Variants in COL4A6 observed in about 807,000 individuals in gnomAD.
COL4A6 encodes the protein collagen type IV alpha 6 chain.
COL4A6 carries 59 observed loss-of-function variants against 126.7 expected under a neutral mutation model. That is an observed-to-expected ratio of 0.47 (90% CI 0.38 to 0.58). The LOEUF (loss-of-function observed/expected upper bound fraction) is 0.58. Ranked by LOEUF, COL4A6 falls within the 20% of genes least tolerant of loss-of-function variation. The pLI is 0.00. For synonymous variants in COL4A6, 547 were observed against 496.6 expected (o/e 1.10, Z -1.35); for missense variants, 1,285 against 1,337.3 (o/e 0.96, Z 0.61).
chrX:108,311,483 T>C (rs1032388524), intron 2 of COL4A6, among the ~76,000 whole-genome samples: 6 of 110,955 alleles, frequency 5.4e-5, no homozygotes, highest in African/African-American at 2.0e-4. Context: ...TGCCATGTGC[T>C]GATCCTCACC....
At chrX:108,325,096 A>G (rs983062057) in intron 2 of COL4A6, among the ~76,000 whole-genome samples, 3 of 112,039 alleles carry the variant, frequency 2.7e-5, no homozygotes, top group African/African-American at 9.7e-5. Flanking sequence ...GAAAATAGAA[A>G]CAAGTCAAGT....
At chrX:108,339,325 C>T (rs757295242) in intron 2 of COL4A6, among the ~76,000 whole-genome samples, 1 of 112,134 alleles carries the variant, frequency 8.9e-6, no homozygotes, top group Non-Finnish European at 1.9e-5. Flanking sequence ...ACCTGCACAA[C>T]GTCCCCTCTC....
intron 3 of COL4A6, among the ~76,000 whole-genome samples, chrX:108,284,604 C>A (rs1432179863): frequency 8.9e-6 from 1 of 112,017 alleles, no homozygotes; most frequent in Non-Finnish European, 1.9e-5. Context: ...CTATTTGGAT[C>A]CAGACACTTT....
At chrX:108,416,535 G>A (rs911039583) in intron 2 of COL4A6, among the ~76,000 whole-genome samples, 2 of 112,029 alleles carry the variant, frequency 1.8e-5, no homozygotes, top group African/African-American at 6.5e-5. Context: ...ATGTCTAGGA[G>A]TATCAGTGGC....
intron 2 of COL4A6, among the ~76,000 whole-genome samples, chrX:108,422,894 G>A (rs1486866366): frequency 1.8e-5 from 2 of 111,577 alleles, no homozygotes; most frequent in African/African-American, 6.5e-5. Flanking sequence ...TCCTAGGTTG[G>A]GGTGCAGTAG....
chrX:108,438,113 C>T (rs1688347206), intron 1 of COL4A6, 73 bp downstream of exon 1: 3 of 1,204,680 alleles, frequency 2.5e-6, no homozygotes, highest in Non-Finnish European at 3.4e-6. Flanking sequence ...ACAGAAGTAC[C>T]AGTATAGTCC....
intron 2 of COL4A6, among the ~76,000 whole-genome samples, chrX:108,385,774 T>C (rs1478079401): frequency 9.0e-6 from 1 of 111,300 alleles, no homozygotes; most frequent in East Asian, 2.8e-4. Flanking sequence ...ACATGCAGGT[T>C]TGTTACATAG....
At chrX:108,324,155 A>G (rs996101283) in intron 2 of COL4A6, among the ~76,000 whole-genome samples, 6 of 112,389 alleles carry the variant, frequency 5.3e-5, no homozygotes, top group Non-Finnish European at 9.4e-5. Flanking sequence ...GGATTCCAGG[A>G]CAGAGACTGT....
chrX:108,437,980 G>A lies in COL4A6; in HGVS notation c.25C>T (p.Leu9=). ...TCCTCGGTCAGGCACAACGTAACCAGGAGCAGCCACAACCTGAAATGGGAG... is the reference window on the plus strand; with the variant it reads ...TCCTCGGTCAGGCACAACGTAACCAAGAGCAGCCACAACCTGAAATGGGAG... MHPGLWLL[L]VTLCLTEELA... is the part of the protein sequence containing the mutation. The change falls in exon 2 of 45, where the codon CTG becomes TTG. Residue 9 remains leucine, a synonymous_variant. Transcript: ENST00000334504. The A allele has an allele frequency of 1.7e-6, 2 of 1,211,053 alleles. No individual in the cohort carries two copies. The highest frequency in any genetic ancestry group is 2.2e-6 in the Non-Finnish European group (2 of 895,231).
At chrX:108,265,929 A>T (rs991532647) in intron 3 of COL4A6, among the ~76,000 whole-genome samples, 7 of 111,437 alleles carry the variant, frequency 6.3e-5, no homozygotes, top group Non-Finnish European at 1.3e-4. Context: ...ATAAAAAAAA[A>T]CAGAACAAAA....
intron 3 of COL4A6, among the ~76,000 whole-genome samples, chrX:108,283,614 G>A (rs754887413): frequency 2.7e-5 from 3 of 110,027 alleles, no homozygotes; most frequent in East Asian, 2.9e-4. Context: ...GCGGGGATGC[G>A]GGGAGTGGAA....
At chrX:108,421,782 T>C (rs894062108) in intron 2 of COL4A6, among the ~76,000 whole-genome samples, 4 of 111,478 alleles carry the variant, frequency 3.6e-5, no homozygotes, top group Admixed American at 9.5e-5. Flanking sequence ...AAATGAACGA[T>C]ATACACCAAA....
chrX:108,375,818 C>T (rs1325725473), intron 2 of COL4A6, among the ~76,000 whole-genome samples: 1 of 110,697 alleles, frequency 9.0e-6, no homozygotes, highest in African/African-American at 3.3e-5. Flanking sequence ...TTTCCCAACA[C>T]AGTCACACAT....
chrX:108,299,309 C>A (rs1214029019), intron 3 of COL4A6, among the ~76,000 whole-genome samples: 1 of 111,901 alleles, frequency 8.9e-6, no homozygotes, highest in Non-Finnish European at 1.9e-5. Flanking sequence ...TCCTTTCCTC[C>A]CTGAGCTTTG....
chrX:108,385,473 T>G (rs1335478347), intron 2 of COL4A6, among the ~76,000 whole-genome samples: 1 of 111,721 alleles, frequency 9.0e-6, no homozygotes, highest in African/African-American at 3.3e-5. Context: ...AGATGGCTTC[T>G]TTGTAGAAAT....
chrX:108,171,045 G>A (rs2034284768), intron 33 of COL4A6, 128 bp from the exon 34 acceptor site: 5 of 599,073 alleles, frequency 8.3e-6, no homozygotes, highest in Non-Finnish European at 1.3e-5. Flanking sequence ...AAAAGATAGT[G>A]GTGGCTGTTT....
intron 37 of COL4A6, among the ~76,000 whole-genome samples, 175 bp from the exon 38 acceptor site, chrX:108,165,661 GACTA>G (rs1026158691): frequency 1.8e-5 from 2 of 111,756 alleles, no homozygotes; most frequent in African/African-American, 6.5e-5. Flanking sequence ...CCAGAAAGCA[GACTA>G]ACTGACAAGG....
intron 3 of COL4A6, among the ~76,000 whole-genome samples, chrX:108,228,117 A>G (rs1369465511): frequency 8.9e-6 from 1 of 111,833 alleles, no homozygotes; most frequent in Non-Finnish European, 1.9e-5. Context: ...AGCCTTTGAA[A>G]ACAGAAATGG....
At chrX:108,191,343 T>C (rs2035033772) in intron 19 of COL4A6, 50 bp downstream of exon 19, 1 of 1,184,096 alleles carries the variant, frequency 8.4e-7, no homozygotes, top group Non-Finnish European at 1.1e-6. Flanking sequence ...TGTTCTGCAG[T>C]CTGGATCACA....
Sources: allele counts gnomAD v4.1 joint callset (sites outside exome capture counted in the v4.1 genomes callset), GRCh38; gene constraint gnomAD v4.1.1; transcripts MANE v1.5; gene names NCBI Gene and HGNC (gene_info 2026-07-23, HGNC 2026-07-21).